ARFIP1: variants seen among roughly 807,000 people sequenced by gnomAD.
ARFIP1 encodes the protein ARF interacting protein 1.
ARFIP1 carries 24 observed loss-of-function variants against 42.5 expected under a neutral mutation model. The ratio of observed to expected loss-of-function variants is 0.57; its 90% CI spans 0.41 to 0.80. ARFIP1 has a LOEUF of 0.80. Ranked by LOEUF, ARFIP1 falls within the 30% of genes least tolerant of loss-of-function variation. The pLI is 0.00. For synonymous variants in ARFIP1, 141 were observed against 153.7 expected (o/e 0.92, Z 0.61); for missense variants, 354 against 434.0 (o/e 0.82, Z 1.64).
chr4:152,798,964 A>G (rs992749602), intron 1 of ARFIP1, among the ~76,000 whole-genome samples: 1 of 152,230 alleles, frequency 6.6e-6, no homozygotes, highest in Non-Finnish European at 1.5e-5. Context: ...CACCACATGA[A>G]GGTCAGGGAG....
At chr4:152,797,194 A>G (rs1374088829) in intron 1 of ARFIP1, among the ~76,000 whole-genome samples, 1 of 152,194 alleles carries the variant, frequency 6.6e-6, no homozygotes, top group Non-Finnish European at 1.5e-5. Context: ...CCAGATGGAT[A>G]CCTAGTTTTC....
In ARFIP1 at chr4:152,910,226, A is replaced by G; in HGVS notation, c.*7A>G. ...TTGGCTTGAAGAACAGTAAAATCAC[A>G]GCGGAAAATAAAAAGAAAGTCGCGT... On this transcript the variant is annotated 3_prime_UTR_variant, in exon 9 of 9. Coordinates refer to ENST00000353617, the MANE Select transcript of ARFIP1 (RefSeq NM_001025595.3). 1 of 1,606,660 alleles carries G rather than the reference A, an allele frequency of 6.2e-7. No individual in the cohort carries two copies. Among genetic ancestry groups the G allele is most frequent in the Non-Finnish European group, 8.5e-7 (1 of 1,177,566 alleles).
At chr4:152,898,271 T>C (rs1249559787) in intron 8 of ARFIP1, among the ~76,000 whole-genome samples, 1 of 152,098 alleles carries the variant, frequency 6.6e-6, no homozygotes. Flanking sequence ...TGTGAGCCAC[T>C]GCGCCCGGCT....
At chr4:152,861,541 G>T (rs1304734299) in intron 2 of ARFIP1, among the ~76,000 whole-genome samples, 1 of 152,148 alleles carries the variant, frequency 6.6e-6, no homozygotes, top group African/African-American at 2.4e-5. Context: ...TAGAACATTA[G>T]AATCCAGATG....
At chr4:152,808,802 C>T (rs1729214167) in intron 1 of ARFIP1, among the ~76,000 whole-genome samples, 1 of 152,172 alleles carries the variant, frequency 6.6e-6, no homozygotes, top group African/African-American at 2.4e-5. Context: ...GGCGTGGTGG[C>T]TTTTGCCTGT....
intron 1 of ARFIP1, among the ~76,000 whole-genome samples, chr4:152,806,849 T>C (rs1317478568): frequency 2.0e-5 from 3 of 151,914 alleles, no homozygotes; most frequent in Non-Finnish European, 2.9e-5. Flanking sequence ...TTCTTTCTTT[T>C]TTTTTTTAGA....
intron 1 of ARFIP1, among the ~76,000 whole-genome samples, chr4:152,794,974 A>C (rs554342669): frequency 6.6e-6 from 1 of 152,120 alleles, no homozygotes; most frequent in African/African-American, 2.4e-5. Flanking sequence ...CCATGTCAGC[A>C]TGTGGAAATT....
intron 7 of ARFIP1, among the ~76,000 whole-genome samples, chr4:152,885,105 T>C (rs1362266939): frequency 6.6e-6 from 1 of 152,072 alleles, no homozygotes; most frequent in African/African-American, 2.4e-5. Context: ...GAAATAGCTG[T>C]GGAATTGGCT....
At chr4:152,843,835 C>T (rs1353661250) in intron 2 of ARFIP1, among the ~76,000 whole-genome samples, 1 of 152,202 alleles carries the variant, frequency 6.6e-6, no homozygotes, top group Non-Finnish European at 1.5e-5. Flanking sequence ...CTGACCCAGG[C>T]TACCCACCTT....
chr4:152,856,159 A>G (rs529323679), intron 2 of ARFIP1, among the ~76,000 whole-genome samples: 11 of 152,208 alleles, frequency 7.2e-5, no homozygotes, highest in Admixed American at 2.6e-4. Context: ...ATTATCTATC[A>G]TATGTACTAT....
chr4:152,856,654 C>T (rs1578944554), intron 2 of ARFIP1, among the ~76,000 whole-genome samples: 3 of 152,128 alleles, frequency 2.0e-5, no homozygotes, highest in Admixed American at 2.0e-4. Flanking sequence ...ACCAAACTTC[C>T]AAAGGACAAT....
chr4:152,783,722 A>G (rs1730635998), intron 1 of ARFIP1, among the ~76,000 whole-genome samples: 1 of 152,184 alleles, frequency 6.6e-6, no homozygotes, highest in Non-Finnish European at 1.5e-5. Context: ...TCCTTTCTTA[A>G]TCTTCAGTGG....
chr4:152,835,597 C>A (rs994301240), intron 2 of ARFIP1, among the ~76,000 whole-genome samples: 4 of 152,176 alleles, frequency 2.6e-5, no homozygotes, highest in African/African-American at 9.7e-5. Flanking sequence ...ACCTTCCTGT[C>A]TTCTTCTGAG....
At chr4:152,888,479 T>C (rs962170378) in intron 8 of ARFIP1, among the ~76,000 whole-genome samples, 172 bp downstream of exon 8, 2 of 152,168 alleles carry the variant, frequency 1.3e-5, no homozygotes, top group Non-Finnish European at 2.9e-5. Context: ...TACCTTTCTT[T>C]GATAAAAGTT....
At chr4:152,780,426 C>G (rs958896346) in intron 1 of ARFIP1, among the ~76,000 whole-genome samples, 200 bp downstream of exon 1, 1 of 152,198 alleles carries the variant, frequency 6.6e-6, no homozygotes, top group Non-Finnish European at 1.5e-5. Flanking sequence ...CTGAGTGTGC[C>G]CCCGAAACAG....
At chr4:152,784,650 C>T (rs1030231823) in intron 1 of ARFIP1, among the ~76,000 whole-genome samples, 1 of 152,198 alleles carries the variant, frequency 6.6e-6, no homozygotes, top group Admixed American at 6.5e-5. Flanking sequence ...AAGTTCTTGC[C>T]TGGCTTCGTC....
intron 2 of ARFIP1, among the ~76,000 whole-genome samples, chr4:152,854,982 G>T (rs72968473): frequency 6.6e-6 from 1 of 152,360 alleles, no homozygotes; most frequent in Non-Finnish European, 1.5e-5. Flanking sequence ...GGGCCAGGCA[G>T]GTGGGCAGGT....
intron 2 of ARFIP1, among the ~76,000 whole-genome samples, chr4:152,851,066 T>C (rs1168033112): frequency 6.6e-6 from 1 of 152,248 alleles, no homozygotes; most frequent in Non-Finnish European, 1.5e-5. Flanking sequence ...ATTATGTAGA[T>C]GCTTTGGAAG....
intron 1 of ARFIP1, among the ~76,000 whole-genome samples, chr4:152,817,244 AT>A (rs1211654177): frequency 6.6e-6 from 1 of 152,190 alleles, no homozygotes; most frequent in Non-Finnish European, 1.5e-5. Context: ...TATATCTCTT[AT>A]TTGCAAGGAA....
Sources: gnomAD v4.1 joint callset for allele counts (sites outside exome capture counted in the v4.1 genomes callset) on GRCh38, gnomAD v4.1.1 for gene constraint, MANE v1.5 for transcripts, NCBI Gene and HGNC (gene_info 2026-07-23, HGNC 2026-07-21) for gene names.